The following TSPAN9 variants were observed in gnomAD, a reference collection of about 807,000 sequenced individuals.
The protein encoded by TSPAN9 is tetraspanin 9.
TSPAN9 carries 16 observed loss-of-function variants against 31.0 expected under a neutral mutation model. The observed-to-expected ratio is 0.52, with a 90% CI of 0.35 to 0.78. The LOEUF (loss-of-function observed/expected upper bound fraction) is 0.78, where lower values mean the gene tolerates loss of function less well. Ranked by LOEUF, TSPAN9 falls within the 30% of genes least tolerant of loss-of-function variation. TSPAN9 has a pLI of 0.01. For synonymous variants in TSPAN9, 145 were observed against 121.6 expected, an observed-to-expected ratio of 1.19 and a Z score of -1.27; for missense variants, 272 against 312.5, an observed-to-expected ratio of 0.87 and a Z score of 0.98.
chr12:3,277,663 G>A (rs74054961), intron 3 of TSPAN9, among the ~76,000 whole-genome samples: 3,465 of 152,264 alleles, frequency 0.023, 136 homozygotes, highest in African/African-American at 0.077. Context: ...ATTTGCAGCC[G>A]GTGAAATGGA....
chr12:3,220,725 A>G (rs1390547694), intron 3 of TSPAN9, among the ~76,000 whole-genome samples: 1 of 150,962 alleles, frequency 6.6e-6, no homozygotes, highest in African/African-American at 2.4e-5. Context: ...TCTCAAGATA[A>G]TATGAGACCT....
Position 3,267,147 on chromosome 12 carries a change from T to C in TSPAN9, c.64-11274T>C, listed in dbSNP as rs564270393. On this transcript the variant is annotated intron_variant, in intron 3 of 8. Coordinates refer to ENST00000011898, the MANE Select transcript of TSPAN9 (RefSeq NM_006675.5). Reference sequence around the variant, plus strand: ...ACCTCCTTTCCCAAAACAGGGAGAATGGAGCCCCCAGCCCCTTCGCCATCC... The same window carrying C: ...ACCTCCTTTCCCAAAACAGGGAGAACGGAGCCCCCAGCCCCTTCGCCATCC... Among the ~76,000 whole-genome samples, 416 of 152,310 alleles carry C rather than the reference T, an allele frequency of 2.7e-3. 3 individuals carry two copies. Among genetic ancestry groups the C allele is most frequent in the African/African-American group, 9.6e-3 (400 of 41,578 alleles).
chr12:3,086,303 A>G (rs74054891), intron 2 of TSPAN9, among the ~76,000 whole-genome samples: 12,873 of 149,276 alleles, frequency 0.086, 1,667 homozygotes, highest in African/African-American at 0.29. Context: ...CTGCATTTCA[A>G]CCCGATACTT....
At chr12:3,180,727 A>G (rs1212077549) in intron 2 of TSPAN9, among the ~76,000 whole-genome samples, 1 of 152,200 alleles carries the variant, frequency 6.6e-6, no homozygotes, top group Non-Finnish European at 1.5e-5. Context: ...CCTGTCACCT[A>G]GGAAGCTTGG....
rs1048151775 is a variant in TSPAN9 at position 3,080,851 on chromosome 12, T to C, written c.-84-2802T>C. Among the ~76,000 whole-genome samples, 8 of 152,330 alleles carry C rather than the reference T, an allele frequency of 5.3e-5. No individual in the cohort carries two copies. The East Asian group carries it at 5.8e-4, about 11-fold the overall frequency. The stretch of plus-strand genomic sequence containing the variant: ...TATTAAGCTCCTGCTGTGTGCTTAG[T>C]AAATGCTGACCTTGAGGAATTAATC... On this transcript the variant is annotated intron_variant, in intron 1 of 8. Transcript: ENST00000011898.
intron 2 of TSPAN9, among the ~76,000 whole-genome samples, chr12:3,084,642 T>C (rs1381474841): frequency 6.6e-6 from 1 of 152,222 alleles, no homozygotes; most frequent in East Asian, 1.9e-4. Flanking sequence ...AGACTCAGTT[T>C]TAGACCCTTT....
intron 2 of TSPAN9, among the ~76,000 whole-genome samples, chr12:3,149,207 A>G (rs1023437573): frequency 6.6e-6 from 1 of 152,184 alleles, no homozygotes; most frequent in Admixed American, 6.5e-5. Flanking sequence ...CCTCCAGGGT[A>G]GGGAGATGGG....
chr12:3,161,175 T>G (rs903689078), intron 2 of TSPAN9, among the ~76,000 whole-genome samples: 2 of 152,068 alleles, frequency 1.3e-5, no homozygotes, highest in Non-Finnish European at 2.9e-5. Flanking sequence ...GAGTCGAGAT[T>G]GCACCATTGC....
At chr12:3,148,051 C>T (rs12297167) in intron 2 of TSPAN9, among the ~76,000 whole-genome samples, 9,303 of 152,020 alleles carry the variant, frequency 0.061, 376 homozygotes, top group African/African-American at 0.11. Context: ...GGAGACAAAG[C>T]GCAAAACTAG....
At chr12:3,261,772 C>G (rs569495717) in intron 3 of TSPAN9, among the ~76,000 whole-genome samples, 1 of 152,324 alleles carries the variant, frequency 6.6e-6, no homozygotes, top group South Asian at 2.1e-4. Context: ...GGTACCTGCA[C>G]CTGGTGCAAG....
chr12:3,191,809 T>C (rs1375073804), intron 2 of TSPAN9, among the ~76,000 whole-genome samples: 1 of 152,028 alleles, frequency 6.6e-6, no homozygotes. Context: ...GATAGTAACA[T>C]TGTCACCCTA....
At position 3,244,605 on chromosome 12, in the gene TSPAN9, G is replaced by A. The variant is rs59569384; in HGVS notation, c.64-33816G>A. On this transcript the variant is annotated intron_variant, in intron 3 of 8. Coordinates refer to ENST00000011898, the MANE Select transcript of TSPAN9 (RefSeq NM_006675.5). ...GCCACCTCACGCCCCACCGGACCAC[G>A]CGCTGCAGGCAGACAGCGAGCGCCA... is the stretch of plus-strand genomic sequence containing the variant. 6.4e-3 allele frequency among the ~76,000 whole-genome samples: 978 copies of A among 152,296 alleles called. 11 individuals are homozygous for A. The highest frequency in any genetic ancestry group is 0.022 in the African/African-American group (901 of 41,564).
At chr12:3,109,069 G>A (rs1171324407) in intron 2 of TSPAN9, among the ~76,000 whole-genome samples, 1 of 151,966 alleles carries the variant, frequency 6.6e-6, no homozygotes, top group African/African-American at 2.4e-5. Flanking sequence ...CCGAGTAGCT[G>A]GGACTACAGG....
chr12:3,255,710 G>A (rs1862332362), intron 3 of TSPAN9, among the ~76,000 whole-genome samples: 1 of 152,214 alleles, frequency 6.6e-6, no homozygotes, highest in South Asian at 2.1e-4. Context: ...TTTCTTTTAG[G>A]TTACCCTTAG....
chr12:3,218,785 C>T (rs966501677), intron 3 of TSPAN9, among the ~76,000 whole-genome samples: 8 of 152,312 alleles, frequency 5.3e-5, no homozygotes, highest in East Asian at 3.9e-4. Flanking sequence ...TTCTTAGCCC[C>T]GCTGGCTCTC....
In TSPAN9 at chr12:3,097,701, C is replaced by T. The variant is rs151170779; in HGVS notation, c.-18+13982C>T. Among the ~76,000 whole-genome samples, 603 of 152,348 alleles carry T rather than the reference C, an allele frequency of 4.0e-3. 1 individual carries two copies. The highest frequency in any genetic ancestry group is 6.2e-3 in the Non-Finnish European group (425 of 68,036). ...TAGAGCCCAGAGGAATGGCTCCCCCCGCAATCCATGCCTCTGGGGGAGTTG... is the reference window on the plus strand; with the variant it reads ...TAGAGCCCAGAGGAATGGCTCCCCCTGCAATCCATGCCTCTGGGGGAGTTG... On this transcript the variant is annotated intron_variant, in intron 2 of 8. Coordinates refer to ENST00000011898, the MANE Select transcript of TSPAN9 (RefSeq NM_006675.5).
chr12:3,275,688 G>A (rs1185981051), intron 3 of TSPAN9, among the ~76,000 whole-genome samples: 1 of 152,270 alleles, frequency 6.6e-6, no homozygotes, highest in East Asian at 1.9e-4. Context: ...GCCCAGTTGG[G>A]CGATGCTGTG....
intron 3 of TSPAN9, among the ~76,000 whole-genome samples, chr12:3,217,347 A>G (rs975342772): frequency 6.6e-6 from 1 of 152,184 alleles, no homozygotes; most frequent in Non-Finnish European, 1.5e-5. Flanking sequence ...GGAGGTGGTC[A>G]GAGACACCCT....
intron 3 of TSPAN9, among the ~76,000 whole-genome samples, chr12:3,234,441 C>G (rs1430410560): frequency 6.6e-6 from 1 of 152,192 alleles, no homozygotes; most frequent in Admixed American, 6.5e-5. Flanking sequence ...TCCGGCCACC[C>G]TGCAGCACTG....
Sources: gnomAD v4.1 joint callset for allele counts (sites outside exome capture counted in the v4.1 genomes callset) on GRCh38, gnomAD v4.1.1 for gene constraint, MANE v1.5 for transcripts, NCBI Gene and HGNC (gene_info 2026-07-23, HGNC 2026-07-21) for gene names.